PDS5A: variants seen among roughly 807,000 people sequenced by gnomAD.
PDS5A encodes PDS5 cohesin associated factor A.
Under a neutral mutation model 167.1 loss-of-function variants are expected in PDS5A, and 42 were observed. The observed-to-expected ratio is 0.25, with a 90% CI of 0.20 to 0.33. The LOEUF (loss-of-function observed/expected upper bound fraction) is 0.33. PDS5A is among the 10% of genes least tolerant of loss of function. The probability of loss-of-function intolerance (pLI) is 1.00; values close to 1 mark genes in which losing one functional copy is unlikely to be tolerated. For missense variants in PDS5A, 1,033 were observed against 1,605.9 expected (o/e 0.64, Z 6.10); for synonymous variants, 553 against 554.6 (o/e 1.00, Z 0.04).
intron 9 of PDS5A, among the ~76,000 whole-genome samples, chr4:39,911,825 C>G (rs1723918274): frequency 7.5e-6 from 1 of 133,440 alleles, no homozygotes; most frequent in Non-Finnish European, 1.6e-5. Context: ...GAGTGAGACT[C>G]CGTCTCAATT....
At chr4:39,949,607 G>C (rs903826048) in intron 2 of PDS5A, among the ~76,000 whole-genome samples, 1 of 151,576 alleles carries the variant, frequency 6.6e-6, no homozygotes, top group Admixed American at 6.6e-5. Flanking sequence ...CAGGTGGATG[G>C]ATCATTTGAG....
chr4:39,867,772 A>ACCCCC lies in PDS5A; in HGVS notation c.2506-776_2506-775insGGGGG, dbSNP rs1553892690. On this transcript the variant is annotated intron_variant, in intron 22 of 32. Coordinates refer to ENST00000303538, the MANE Select transcript of PDS5A (RefSeq NM_001100399.2). Reference sequence around the variant, plus strand: ...CACACACACACACACACACACACACACACCCCACAACTGTACTGATTGTGG... The same window carrying ACCCCC: ...CACACACACACACACACACACACACACCCCCCACCCCACAACTGTACTGATTGTGG... Among the ~76,000 whole-genome samples, 31 of 90,654 alleles carry ACCCCC rather than the reference A, an allele frequency of 3.4e-4. 1 individual carries two copies. In the South Asian group the frequency reaches 5.9e-3, roughly 17 times the overall value. 59.5% of individuals were successfully genotyped at this position (90,654 alleles called of 152,430 possible). A position where few individuals can be genotyped will look rare whatever the true frequency, so the allele number is the denominator to read the frequency against.
intron 2 of PDS5A, among the ~76,000 whole-genome samples, chr4:39,932,210 C>T (rs748861715): frequency 2.0e-5 from 3 of 152,054 alleles, no homozygotes; most frequent in Non-Finnish European, 4.4e-5. Flanking sequence ...CTTATTTTGG[C>T]CAAACAGACA....
At chr4:39,829,415 C>G (rs563028405) in intron 32 of PDS5A, among the ~76,000 whole-genome samples, 13 of 152,176 alleles carry the variant, frequency 8.5e-5, no homozygotes, top group Non-Finnish European at 1.3e-4. Flanking sequence ...CTTTGGGAGG[C>G]CGAGGTGGGT....
At chr4:39,837,433 T>C (rs1716530693) in intron 32 of PDS5A, 1 of 161,710 alleles carries the variant, frequency 6.2e-6, no homozygotes, top group Non-Finnish European at 1.3e-5. Flanking sequence ...TGACCTGTGT[T>C]AGAATTAACT....
chr4:39,947,539 G>C (rs149975257), intron 2 of PDS5A, among the ~76,000 whole-genome samples: 12 of 152,246 alleles, frequency 7.9e-5, no homozygotes, highest in African/African-American at 2.9e-4. Context: ...TGGCTTCCCT[G>C]GGCCACACTG....
intron 31 of PDS5A, 50 bp downstream of exon 31, chr4:39,841,898 C>T: frequency 1.0e-6 from 1 of 988,984 alleles, no homozygotes; most frequent in Non-Finnish European, 1.6e-6. Context: ...TACGGAAAAA[C>T]TGTAATAATC....
intron 12 of PDS5A, 41 bp downstream of exon 12, chr4:39,903,996 AAGT>A: frequency 8.4e-7 from 1 of 1,193,546 alleles, no homozygotes; most frequent in African/African-American, 1.6e-5. Flanking sequence ...TTTAAGTAAA[AAGT>A]AGTTTTACAC....
At chr4:39,951,958 G>GTT (rs1231931251) in intron 2 of PDS5A, among the ~76,000 whole-genome samples, 1 of 149,714 alleles carries the variant, frequency 6.7e-6, no homozygotes, top group Non-Finnish European at 1.5e-5. Flanking sequence ...ACAACACTGT[G>GTT]TGGAAAAACA....
intron 2 of PDS5A, among the ~76,000 whole-genome samples, chr4:39,941,166 G>A (rs1727190380): frequency 6.6e-6 from 1 of 152,136 alleles, no homozygotes; most frequent in Middle Eastern, 3.4e-3. Context: ...TGTCTTTCCT[G>A]CACTAGACTT....
At chr4:39,899,396 A>G (rs557362194) in intron 14 of PDS5A, among the ~76,000 whole-genome samples, 76 of 152,274 alleles carry the variant, frequency 5.0e-4, no homozygotes, top group African/African-American at 1.6e-3. Context: ...CTATGCCCCC[A>G]TGAGCTACCT....
At chr4:39,853,552 G>T (rs577422354) in intron 26 of PDS5A, among the ~76,000 whole-genome samples, 2 of 152,216 alleles carry the variant, frequency 1.3e-5, no homozygotes, top group South Asian at 4.2e-4. Flanking sequence ...AAGTCATTAA[G>T]ATGAGACTTC....
intron 31 of PDS5A, among the ~76,000 whole-genome samples, chr4:39,839,754 T>TCG (rs1716777731): frequency 9.3e-6 from 1 of 107,670 alleles, no homozygotes; most frequent in Non-Finnish European, 1.8e-5. Flanking sequence ...AATATGATTC[T>TCG]GGGGGGGGGG....
chr4:39,892,840 T>C (rs1722090753), intron 16 of PDS5A, among the ~76,000 whole-genome samples: 1 of 152,230 alleles, frequency 6.6e-6, no homozygotes, highest in African/African-American at 2.4e-5. Flanking sequence ...TGCTACATCA[T>C]AACCTATTTT....
chr4:39,957,262 G>A (rs1046307223), intron 2 of PDS5A, among the ~76,000 whole-genome samples: 4 of 151,918 alleles, frequency 2.6e-5, no homozygotes, highest in Admixed American at 6.6e-5. Context: ...TAGGGCCAGC[G>A]TGGGGGCTCA....
intron 2 of PDS5A, among the ~76,000 whole-genome samples, chr4:39,935,776 G>A (rs1226226155): frequency 6.6e-6 from 1 of 152,144 alleles, no homozygotes; most frequent in Non-Finnish European, 1.5e-5. Flanking sequence ...ATACACTGGA[G>A]GTAGATATAT....
At chr4:39,953,024 A>G (rs981568628) in intron 2 of PDS5A, among the ~76,000 whole-genome samples, 8 of 152,034 alleles carry the variant, frequency 5.3e-5, no homozygotes, top group African/African-American at 1.9e-4. Flanking sequence ...CCACCACGTC[A>G]GTCCAGATCT....
At position 39,976,569 on chromosome 4, in the gene PDS5A, G is replaced by A; in HGVS notation, c.9C>T (p.Phe3=). ...CAGTGGCAGGCTTGGGCTGCGCGGT[G>A]AAGTCCATCCTGGGGGACAACTTTT... MD[F]TAQPKPATAL... Residue 3 remains phenylalanine (F), a synonymous_variant, in exon 2 of 33, where the codon TTC becomes TTT. Transcript: ENST00000303538. The A allele has an allele frequency of 4.3e-6, 7 of 1,611,670 alleles. No homozygotes were observed. The highest frequency in any genetic ancestry group is 5.9e-6 in the Non-Finnish European group (7 of 1,178,214).
chr4:39,913,844 T>C, intron 8 of PDS5A, 118 bp from the exon 9 acceptor site: 1 of 650,960 alleles, frequency 1.5e-6, no homozygotes, highest in South Asian at 1.8e-5. Flanking sequence ...GTGAGAAGTT[T>C]AAAATATCAT....
Sources: gnomAD v4.1 joint callset for allele counts (sites outside exome capture counted in the v4.1 genomes callset) on GRCh38, gnomAD v4.1.1 for gene constraint, MANE v1.5 for transcripts, NCBI Gene and HGNC (gene_info 2026-07-23, HGNC 2026-07-21) for gene names.